DOCK1: variants seen among roughly 807,000 people sequenced by gnomAD.
DOCK1 encodes the protein dedicator of cytokinesis protein 1.
In DOCK1, 138 loss-of-function variants were observed where a neutral mutation model predicts 262.7. The observed-to-expected ratio is 0.53, with a 90% CI of 0.46 to 0.61. The LOEUF is 0.61. Among genes scored for constraint, DOCK1 ranks in the 20% least tolerant of loss-of-function variants. The pLI is 0.00. For missense variants in DOCK1, 1,908 were observed against 2,370.7 expected (o/e 0.80, Z 4.05); for synonymous variants, 866 against 867.4 (o/e 1.00, Z 0.03).
chr10:126,952,130 G>GAGCT (rs1170825548), intron 1 of DOCK1, among the ~76,000 whole-genome samples: 2 of 152,044 alleles, frequency 1.3e-5, no homozygotes, highest in Non-Finnish European at 2.9e-5. Flanking sequence ...TTACAGGCAT[G>GAGCT]AGCTACCATG....
chr10:126,948,852 G>T (rs1373951313), intron 1 of DOCK1, among the ~76,000 whole-genome samples: 1 of 152,096 alleles, frequency 6.6e-6, no homozygotes, highest in Non-Finnish European at 1.5e-5. Flanking sequence ...CCTTTCCTGA[G>T]GTTGGGGATA....
At position 127,257,438 on chromosome 10, in the gene DOCK1, G is replaced by T. The variant is rs753743858; in HGVS notation, c.3044+9G>T. On this transcript the variant is annotated intron_variant, in intron 29 of 51. Transcript: ENST00000623213. The stretch of plus-strand genomic sequence containing the variant: ...AACATGGTGCAAAATAAGTAAGTGT[G>T]GGGAAAACGGCTCTCACCTTTTCTA... The T allele has an allele frequency of 5.7e-6, 9 of 1,589,860 alleles. No individual in the cohort carries two copies. The highest frequency in any genetic ancestry group is 7.7e-6 in the Non-Finnish European group (9 of 1,166,502).
intron 27 of DOCK1, among the ~76,000 whole-genome samples, chr10:127,237,085 G>A (rs183636522): frequency 3.9e-5 from 6 of 152,226 alleles, no homozygotes; most frequent in Middle Eastern, 3.4e-3. Context: ...TTGGCCGGGC[G>A]CGGTGACTCT....
At chr10:127,107,101 C>T (rs930555029) in intron 24 of DOCK1, among the ~76,000 whole-genome samples, 3 of 152,152 alleles carry the variant, frequency 2.0e-5, no homozygotes, top group African/African-American at 2.4e-5. Context: ...GAATTACCGA[C>T]GTGCGCCACC....
At chr10:127,416,906 G>A (rs1022161777) in intron 44 of DOCK1, among the ~76,000 whole-genome samples, 8 of 57,942 alleles carry the variant, frequency 1.4e-4, no homozygotes, top group African/African-American at 7.6e-4. Flanking sequence ...TCAGCAGGGT[G>A]CACGTGGCTG....
chr10:127,209,902 A>G (rs2057898732), intron 27 of DOCK1, among the ~76,000 whole-genome samples: 1 of 152,166 alleles, frequency 6.6e-6, no homozygotes, highest in Non-Finnish European at 1.5e-5. Context: ...TTCCGTTGAG[A>G]GCCTACTTAA....
chr10:127,144,792 C>G (rs1592207757), intron 27 of DOCK1, among the ~76,000 whole-genome samples: 1 of 152,126 alleles, frequency 6.6e-6, no homozygotes, highest in African/African-American at 2.4e-5. Flanking sequence ...CCTTCCTTTA[C>G]CACTATTTTA....
chr10:127,154,474 A>C (rs1435925027), intron 27 of DOCK1, among the ~76,000 whole-genome samples: 1 of 152,266 alleles, frequency 6.6e-6, no homozygotes, highest in South Asian at 2.1e-4. Context: ...TTCAAATTTC[A>C]GTGTCCATGA....
At chr10:127,110,667 G>A (rs143188105) in intron 25 of DOCK1, among the ~76,000 whole-genome samples, 4 of 152,194 alleles carry the variant, frequency 2.6e-5, no homozygotes, top group South Asian at 2.1e-4. Flanking sequence ...CAATCACTTC[G>A]CTCCATTGTG....
intron 13 of DOCK1, among the ~76,000 whole-genome samples, chr10:127,022,282 T>G (rs1309827393): frequency 6.6e-6 from 1 of 152,140 alleles, no homozygotes; most frequent in Non-Finnish European, 1.5e-5. Flanking sequence ...CTAGACCCGT[T>G]TTTCCTCCCT....
At chr10:127,377,498 G>C (rs1464474254) in intron 35 of DOCK1, among the ~76,000 whole-genome samples, 1 of 152,154 alleles carries the variant, frequency 6.6e-6, no homozygotes, top group East Asian at 1.9e-4. Flanking sequence ...TAAGTCTGTT[G>C]CCAAGTTTCC....
At chr10:126,989,829 T>C (rs1399179882) in intron 5 of DOCK1, among the ~76,000 whole-genome samples, 3 of 152,204 alleles carry the variant, frequency 2.0e-5, no homozygotes, top group African/African-American at 7.2e-5. Flanking sequence ...TTGCATCTTA[T>C]TTGCATTTTC....
intron 23 of DOCK1, among the ~76,000 whole-genome samples, chr10:127,103,226 G>T (rs2048352182): frequency 6.6e-6 from 1 of 152,198 alleles, no homozygotes; most frequent in Non-Finnish European, 1.5e-5. Flanking sequence ...AAATAAAGCT[G>T]CTAGAGACGT....
chr10:127,019,497 C>G (rs1368682936), intron 13 of DOCK1, among the ~76,000 whole-genome samples: 1 of 151,714 alleles, frequency 6.6e-6, no homozygotes, highest in African/African-American at 2.4e-5. Flanking sequence ...GCCTGTAATC[C>G]TAGCACTTTG....
At chr10:127,388,682 A>G (rs1181357512) in intron 38 of DOCK1, among the ~76,000 whole-genome samples, 1 of 152,180 alleles carries the variant, frequency 6.6e-6, no homozygotes, top group Non-Finnish European at 1.5e-5. Flanking sequence ...TCCGCCACAG[A>G]GGAACACAGC....
rs190752016 is a variant in DOCK1, at chr10:127,409,493, G to A, written c.4343+102G>A. On this transcript the variant is annotated intron_variant, in intron 42 of 51. Coordinates refer to ENST00000623213, the MANE Select transcript of DOCK1 (RefSeq NM_001290223.2). ...TTTTAAAGGACGGACTTTGGCCATG[G>A]ATTCGCTTTCCAAATGCTCTTTCTG... 670 of 1,268,298 alleles carry A rather than the reference G, an allele frequency of 5.3e-4. 3 individuals are homozygous for A. The highest frequency in any genetic ancestry group is 4.1e-4 in the Non-Finnish European group (363 of 884,802). 78.6% of individuals were successfully genotyped at this position (1,268,298 alleles called of 1,614,324 possible). A position where few individuals can be genotyped will look rare whatever the true frequency, so the allele number is the denominator to read the frequency against.
At chr10:127,246,474 C>T (rs1339639057) in intron 27 of DOCK1, among the ~76,000 whole-genome samples, 1 of 152,146 alleles carries the variant, frequency 6.6e-6, no homozygotes, top group African/African-American at 2.4e-5. Context: ...AATGGTATGC[C>T]AAATATTTAT....
At chr10:127,338,872 A>G (rs2063307019) in intron 29 of DOCK1, 134 bp from the exon 30 acceptor site, 1 of 684,278 alleles carries the variant, frequency 1.5e-6, no homozygotes, top group Non-Finnish European at 2.3e-6. Context: ...CGTTGGCAAA[A>G]CCTCACAGCT....
At chr10:127,000,337 G>A in intron 10 of DOCK1, 30 bp downstream of exon 10, 3 of 1,608,100 alleles carry the variant, frequency 1.9e-6, no homozygotes, top group East Asian at 2.2e-5. Flanking sequence ...TTCCTTGAGA[G>A]TTTCAGATCT....
Sources: gnomAD v4.1 joint callset for allele counts (sites outside exome capture counted in the v4.1 genomes callset) on GRCh38, gnomAD v4.1.1 for gene constraint, MANE v1.5 for transcripts, NCBI Gene and HGNC (gene_info 2026-07-23, HGNC 2026-07-21) for gene names.